SLC35A3: variants seen among roughly 807,000 people sequenced by gnomAD.
SLC35A3 encodes UDP-N-acetylglucosamine transporter.
SLC35A3 carries 26 observed loss-of-function variants against 39.0 expected under a neutral mutation model. The ratio of observed to expected loss-of-function variants is 0.67; its 90% confidence interval spans 0.49 to 0.92. The LOEUF (loss-of-function observed/expected upper bound fraction) is 0.92, where lower values mean the gene tolerates loss of function less well. Among genes scored for constraint, SLC35A3 ranks in the 40% least tolerant of loss-of-function variants. SLC35A3 has a pLI of 0.00. For synonymous variants in SLC35A3, 135 were observed against 133.1 expected, an observed-to-expected ratio of 1.01 and a Z score of -0.10; for missense variants, 299 against 371.6, an observed-to-expected ratio of 0.80 and a Z score of 1.61.
At chr1:99,992,875 T>C (rs1658169644) in intron 1 of SLC35A3, among the ~76,000 whole-genome samples, 1 of 152,234 alleles carries the variant, frequency 6.6e-6, no homozygotes, top group Non-Finnish European at 1.5e-5. Flanking sequence ...ACTGCCTCCT[T>C]GCAAACATTT....
chr1:99,998,232 G>A (rs1159355298), intron 2 of SLC35A3, among the ~76,000 whole-genome samples: 1 of 149,804 alleles, frequency 6.7e-6, no homozygotes, highest in Admixed American at 6.7e-5. Flanking sequence ...ATAGCTTGCT[G>A]CTACTTCAAA....
intron 1 of SLC35A3, among the ~76,000 whole-genome samples, chr1:99,972,095 T>A (rs1656848443): frequency 6.6e-6 from 1 of 152,070 alleles, no homozygotes; most frequent in Admixed American, 6.5e-5. Flanking sequence ...GAGACGGGGT[T>A]TCACCATGTT....
chr1:99,999,451 C>A lies in SLC35A3; in HGVS notation c.342+36C>A, dbSNP rs753376657. Reference sequence around the variant, plus strand: ...TACATTTCTTTCTTTTTTAAAAAAACTTTTTTCTTATACATAATAATTGTA... The same window carrying A: ...TACATTTCTTTCTTTTTTAAAAAAAATTTTTTCTTATACATAATAATTGTA... On this transcript the variant is annotated intron_variant, in intron 3 of 7. Transcript: ENST00000533028. The A allele has an allele frequency of 3.5e-6, 5 of 1,445,534 alleles. No individual in the cohort carries two copies. In the African/African-American group the frequency reaches 7.3e-5, roughly 21 times the overall value. 89.5% of individuals were successfully genotyped at this position (1,445,534 alleles called of 1,614,324 possible). A position where few individuals can be genotyped will look rare whatever the true frequency, so the allele number is the denominator to read the frequency against.
chr1:100,004,464 G>A (rs774235608), intron 3 of SLC35A3, among the ~76,000 whole-genome samples: 6 of 152,026 alleles, frequency 3.9e-5, no homozygotes, highest in South Asian at 2.1e-4. Flanking sequence ...ACCATGCCTG[G>A]CTAACTTTCA....
intron 1 of SLC35A3, among the ~76,000 whole-genome samples, chr1:99,972,034 G>T (rs1392420410): frequency 1.3e-5 from 2 of 152,002 alleles, no homozygotes; most frequent in African/African-American, 4.8e-5. Context: ...AAGTAGCTGG[G>T]ATTACAGGTG....
intron 2 of SLC35A3, 42 bp from the exon 3 acceptor site, chr1:99,999,219 C>G (rs752751998): frequency 7.7e-7 from 1 of 1,290,412 alleles, no homozygotes; most frequent in Non-Finnish European, 1.1e-6. Flanking sequence ...GTAACTTATT[C>G]AGAGTTACTT....
rs542788746 is a variant in SLC35A3, at chr1:100,024,042, G to C, written c.*1566G>C. Reference sequence around the variant, plus strand: ...AAAAAAAAAAAGCTACTGAGAAGGAGCCACCATTTTGCTTTAAAATAGTGG... The same window carrying C: ...AAAAAAAAAAAGCTACTGAGAAGGACCCACCATTTTGCTTTAAAATAGTGG... On this transcript the variant is annotated 3_prime_UTR_variant, in exon 8 of 8. Coordinates refer to ENST00000533028, the MANE Select transcript of SLC35A3 (RefSeq NM_012243.3). The C allele has an allele frequency of 6.6e-6, 1 of 151,832 alleles. No homozygotes were observed. The highest frequency in any genetic ancestry group is 1.9e-4 in the East Asian group (1 of 5,152). 9.4% of individuals were successfully genotyped at this position (151,832 alleles called of 1,614,324 possible). A position where few individuals can be genotyped will look rare whatever the true frequency, so the allele number is the denominator to read the frequency against.
chr1:99,995,473 G>A (rs1285341132), intron 2 of SLC35A3, among the ~76,000 whole-genome samples: 1 of 151,860 alleles, frequency 6.6e-6, no homozygotes, highest in African/African-American at 2.4e-5. Context: ...ATTTTCTTTC[G>A]AACTACATCT....
At chr1:99,973,739 G>A (rs1336208687) in intron 1 of SLC35A3, among the ~76,000 whole-genome samples, 1 of 152,166 alleles carries the variant, frequency 6.6e-6, no homozygotes, top group African/African-American at 2.4e-5. Context: ...AAACTGGGCC[G>A]GGTGTGGTGG....
chr1:99,988,896 A>G (rs1448486465), intron 1 of SLC35A3, among the ~76,000 whole-genome samples: 1 of 151,982 alleles, frequency 6.6e-6, no homozygotes, highest in Non-Finnish European at 1.5e-5. Flanking sequence ...CCTCCTGAGT[A>G]GCTGGAACTA....
intron 2 of SLC35A3, among the ~76,000 whole-genome samples, chr1:99,995,081 G>GT (rs368064551): frequency 0.012 from 1,714 of 144,850 alleles, 27 homozygotes; most frequent in East Asian, 0.033. Context: ...TTTTTATGGG[G>GT]TTTTTTTTTG....
intron 1 of SLC35A3, among the ~76,000 whole-genome samples, chr1:99,987,253 A>G (rs1657797527): frequency 6.6e-6 from 1 of 152,226 alleles, no homozygotes; most frequent in Non-Finnish European, 1.5e-5. Context: ...TGATTTCTAA[A>G]ACATATTATA....
At chr1:99,980,315 A>G (rs1418006873) in intron 1 of SLC35A3, among the ~76,000 whole-genome samples, 2 of 152,188 alleles carry the variant, frequency 1.3e-5, no homozygotes, top group Non-Finnish European at 2.9e-5. Flanking sequence ...AGAATGAGGT[A>G]GAGCAGAATT....
intron 1 of SLC35A3, among the ~76,000 whole-genome samples, chr1:99,981,561 C>T (rs1657448717): frequency 6.6e-6 from 1 of 152,016 alleles, no homozygotes. Flanking sequence ...CTCACTGCAA[C>T]CTCCTCCTCC....
At chr1:99,991,249 A>G (rs1322700496) in intron 1 of SLC35A3, among the ~76,000 whole-genome samples, 1 of 152,100 alleles carries the variant, frequency 6.6e-6, no homozygotes, top group African/African-American at 2.4e-5. Context: ...GGTTCAATCA[A>G]TTCTCCTGCC....
chr1:100,007,172 A>G lies in SLC35A3; in HGVS notation c.465+16A>G, dbSNP rs1166361832. On this transcript the variant is annotated intron_variant, in intron 4 of 7. Transcript: ENST00000533028. ...TTTTGTACAGGTAACTATTCAAGAT[A>G]AGTATATATTTTTATCTTTATTGTG... The G allele has an allele frequency of 1.3e-6, 2 of 1,582,150 alleles. No homozygotes were observed. Among genetic ancestry groups the G allele is most frequent in the Non-Finnish European group, 1.7e-6 (2 of 1,163,078 alleles).
intron 7 of SLC35A3, among the ~76,000 whole-genome samples, chr1:100,019,235 A>G (rs1660364173): frequency 6.6e-6 from 1 of 152,122 alleles, no homozygotes; most frequent in Admixed American, 6.5e-5. Context: ...TAAACAAATA[A>G]ATGAACAAGC....
rs147684706 is a variant in SLC35A3, at chr1:100,020,329, A to G, written c.888-2057A>G. On this transcript the variant is annotated intron_variant, in intron 7 of 7. Coordinates refer to ENST00000533028, the MANE Select transcript of SLC35A3 (RefSeq NM_012243.3). ...AAGATATTATAGAAAGGATTCCTGC[A>G]GTGGATACAAAGGTAGACCACAGAA... Among the ~76,000 whole-genome samples, 251 of 152,328 alleles carry G rather than the reference A, an allele frequency of 1.6e-3. 3 individuals are homozygous for G. Among genetic ancestry groups the G allele is most frequent in the African/African-American group, 5.6e-3 (234 of 41,578 alleles).
In SLC35A3 at chr1:99,994,289, C is replaced by A. The variant is rs149922176; in HGVS notation, c.187+548C>A. On this transcript the variant is annotated intron_variant, in intron 2 of 7. Coordinates refer to ENST00000533028, the MANE Select transcript of SLC35A3 (RefSeq NM_012243.3). Reference sequence around the variant, plus strand: ...TCTTAACTATTTGTAGTGTACACTTCATTGTCATTATTTTACAGTGTTGTA... The same window carrying A: ...TCTTAACTATTTGTAGTGTACACTTAATTGTCATTATTTTACAGTGTTGTA... Among the ~76,000 whole-genome samples, 239 of 152,142 alleles carry A rather than the reference C, an allele frequency of 1.6e-3. 1 individual carries two copies. Among genetic ancestry groups the A allele is most frequent in the African/African-American group, 5.2e-3 (215 of 41,532 alleles).
Sources: allele counts gnomAD v4.1 joint callset (sites outside exome capture counted in the v4.1 genomes callset), GRCh38; gene constraint gnomAD v4.1.1; transcripts MANE v1.5; gene names NCBI Gene and HGNC (gene_info 2026-07-23, HGNC 2026-07-21).